The following NADK variants were observed in gnomAD, a reference collection of about 807,000 sequenced individuals.
The protein encoded by NADK is NAD kinase.
In NADK, 22 loss-of-function variants were observed where a neutral mutation model predicts 49.8. The observed-to-expected ratio is 0.44, with a 90% confidence interval of 0.32 to 0.63. The LOEUF (loss-of-function observed/expected upper bound fraction) is 0.63, where lower values mean the gene tolerates loss of function less well. Ranked by LOEUF, NADK falls within the 30% of genes least tolerant of loss-of-function variation. The pLI is 0.06. For missense variants in NADK, 438 were observed against 609.4 expected (o/e 0.72, Z 2.96); for synonymous variants, 268 against 253.7 (o/e 1.06, Z -0.54).
intron 3 of NADK, among the ~76,000 whole-genome samples, chr1:1,760,730 G>A (rs374930356): frequency 6.6e-5 from 10 of 152,334 alleles, no homozygotes; most frequent in African/African-American, 2.4e-4. Context: ...CTGCACAGAG[G>A]CCTGAGAGCT....
At chr1:1,760,075 G>C (rs911768186) in intron 3 of NADK, among the ~76,000 whole-genome samples, 1 of 152,248 alleles carries the variant, frequency 6.6e-6, no homozygotes, top group African/African-American at 2.4e-5. Context: ...GGATGGTGAG[G>C]CCGCGGCGAG....
At chr1:1,757,157 C>A (rs1645555770) in intron 4 of NADK, 24 bp downstream of exon 4, 1 of 1,580,204 alleles carries the variant, frequency 6.3e-7, no homozygotes, top group Non-Finnish European at 8.6e-7. Context: ...CACCCCAGGC[C>A]CCCTTCCCCC....
intron 1 of NADK, among the ~76,000 whole-genome samples, chr1:1,776,479 G>A (rs1646213458): frequency 6.6e-6 from 1 of 152,086 alleles, no homozygotes. Context: ...CAAACAAAAA[G>A]ACTGGTCCAA....
intron 3 of NADK, among the ~76,000 whole-genome samples, chr1:1,760,097 C>A (rs1290756959): frequency 6.6e-6 from 1 of 152,194 alleles, no homozygotes; most frequent in South Asian, 2.1e-4. Context: ...GGTCAGGAGT[C>A]CACACAGCGG....
intron 1 of NADK, among the ~76,000 whole-genome samples, chr1:1,776,975 G>A (rs1010860387): frequency 6.6e-6 from 1 of 152,082 alleles, no homozygotes; most frequent in Non-Finnish European, 1.5e-5. Context: ...CTACTCAGGA[G>A]GCTGAGGTGG....
upstream of NADK, among the ~76,000 whole-genome samples, chr1:1,779,490 G>T (rs1038404299): frequency 6.6e-6 from 1 of 152,156 alleles, no homozygotes; most frequent in Non-Finnish European, 1.5e-5. Flanking sequence ...ACATTGTTTT[G>T]TTTTTCTGAG....
chr1:1,757,041 C>T (rs1274274739), intron 4 of NADK, 140 bp downstream of exon 4: 2 of 1,297,014 alleles, frequency 1.5e-6, no homozygotes, highest in Non-Finnish European at 2.2e-6. Flanking sequence ...GGCAGATCCC[C>T]ACTCAGTCCC....
chr1:1,760,082 C>G (rs1010884383), intron 3 of NADK, among the ~76,000 whole-genome samples: 1 of 152,150 alleles, frequency 6.6e-6, no homozygotes, highest in Non-Finnish European at 1.5e-5. Context: ...GAGGCCGCGG[C>G]GAGTGGTCAG....
intron 3 of NADK, chr1:1,760,023 T>C (rs2100315759): frequency 1.9e-6 from 2 of 1,060,164 alleles, no homozygotes; most frequent in South Asian, 3.1e-5. Flanking sequence ...GGGAGGGCAG[T>C]GGAGCACTCT....
In NADK at chr1:1,752,907, G is replaced by A. The variant is rs1156588138; in HGVS notation, c.1338C>T (p.Gly446=). The A allele has an allele frequency of 6.9e-7, 1 of 1,445,918 alleles. No homozygotes were observed. Among genetic ancestry groups the A allele is most frequent in the Non-Finnish European group, 9.5e-7 (1 of 1,053,316 alleles). 89.6% of individuals were successfully genotyped at this position (1,445,918 alleles called of 1,614,324 possible). A position where few individuals can be genotyped will look rare whatever the true frequency, so the allele number is the denominator to read the frequency against. The change falls in exon 12 of 12, where the codon GGC becomes GGT. Residue 446 remains glycine (G), a synonymous_variant. Coordinates refer to ENST00000341426, the MANE Select transcript of NADK (RefSeq NM_023018.5). ...FEEEEEEEEE[G] ...CGGGCCTGGATAGGGGCTTGACCTA[G>A]CCCTCCTCCTCCTCCTCCTCCTCCT...
chr1:1,777,688 G>C lies in NADK; in HGVS notation c.-41+601C>G, dbSNP rs1646252776. On this transcript the variant is annotated intron_variant, in intron 1 of 11. Coordinates refer to ENST00000341426, the MANE Select transcript of NADK (RefSeq NM_023018.5). ...AGGCCTTCGGAGCTGGGCACGCCCT[G>C]TTCCCACAATTAAGAAAAAAAACGA... 2.0e-5 allele frequency among the ~76,000 whole-genome samples: 3 copies of C among 151,706 alleles called. No homozygotes were observed. The South Asian group carries it at 6.3e-4, about 32-fold the overall frequency.
upstream of NADK, chr1:1,778,816 C>T (rs1461036703): frequency 1.3e-5 from 2 of 152,176 alleles, no homozygotes; most frequent in Non-Finnish European, 2.9e-5. The surrounding 1 kb of genome is among the most constrained non-coding windows in gnomAD (Gnocchi z 4.9). Flanking sequence ...ACATTGTGAT[C>T]CCAGCCCGGC....
In NADK at chr1:1,755,471, G is replaced by A. The variant is rs761310484; in HGVS notation, c.591C>T (p.Ser197=). The change falls in exon 7 of 12, where the codon AGC becomes AGT. Residue 197 remains serine (S), a synonymous_variant. Transcript: ENST00000341426. ...LLYASSLFQG[S]VPPVMAFHLG... is the part of the protein sequence containing the mutation. Reference sequence around the variant, plus strand: ...GGTGGAAGGCCATGACCGGAGGGACGCTGCCCTGTGAGCCGACGGAGAGGT... The same window carrying A: ...GGTGGAAGGCCATGACCGGAGGGACACTGCCCTGTGAGCCGACGGAGAGGT... 8.7e-6 allele frequency: 14 copies of A among 1,613,226 alleles called. No individual in the cohort carries two copies. The highest frequency in any genetic ancestry group is 1.1e-5 in the Non-Finnish European group (13 of 1,179,518).
rs146614907 is a variant in NADK, at chr1:1,759,112, G to A, written c.264-1802C>T. On this transcript the variant is annotated intron_variant, in intron 3 of 11. Coordinates refer to ENST00000341426, the MANE Select transcript of NADK (RefSeq NM_023018.5). ...CAGTCACCACTGACCCAGTGGCCTG[G>A]CCTACACCCATTCCAGCCCTGAGGC... is the stretch of plus-strand genomic sequence containing the variant. 4.6e-3 allele frequency: 7,146 copies of A among 1,550,766 alleles called. 19 individuals carry two copies. The highest frequency in any genetic ancestry group is 5.2e-3 in the Non-Finnish European group (5,983 of 1,147,244).
At chr1:1,767,137 C>G (rs975497996) in intron 1 of NADK, among the ~76,000 whole-genome samples, 2 of 151,868 alleles carry the variant, frequency 1.3e-5, no homozygotes, top group Non-Finnish European at 2.9e-5. Context: ...GGCTGGTCTC[C>G]AACTCTTGAC....
chr1:1,755,831 C>T (rs1360034416), intron 6 of NADK, among the ~76,000 whole-genome samples: 1 of 152,144 alleles, frequency 6.6e-6, no homozygotes, highest in African/African-American at 2.4e-5. Flanking sequence ...GCAGGGCGGG[C>T]TGCGGGCATT....
chr1:1,753,154 G>A (rs1332376474), intron 11 of NADK, 94 bp from the exon 12 acceptor site: 1 of 1,451,430 alleles, frequency 6.9e-7, no homozygotes, highest in Non-Finnish European at 9.3e-7. Context: ...GGAATGGCCG[G>A]GACTCTTTTC....
chr1:1,759,661 GCCCAGAGGGGGCGTGCTC>G, intron 3 of NADK: 8 of 1,465,836 alleles, frequency 5.5e-6, no homozygotes, highest in Non-Finnish European at 5.5e-6. Flanking sequence ...GAGACACAGA[GCCCAGAGGGGGCGTGCTC>G]CCATGGGGGT....
chr1:1,758,682 A>C, intron 3 of NADK: 2 of 1,292,676 alleles, frequency 1.5e-6, no homozygotes, highest in South Asian at 1.8e-5. Context: ...AATCAAACAA[A>C]ACAAAACAGT....
Sources: gnomAD v4.1 joint callset for allele counts (sites outside exome capture counted in the v4.1 genomes callset) on GRCh38, gnomAD v4.1.1 for gene constraint, Gnocchi (gnomAD v3.1) non-coding constraint, MANE v1.5 for transcripts, NCBI Gene and HGNC (gene_info 2026-07-23, HGNC 2026-07-21) for gene names.